Variants in HSPG2 observed in about 807,000 individuals in gnomAD.
The protein encoded by HSPG2 is heparan sulfate proteoglycan 2, also known as basement membrane-specific heparan sulfate proteoglycan core protein.
A neutral mutation model predicts 526.6 loss-of-function variants in HSPG2; 278 were observed. The ratio of observed to expected loss-of-function variants is 0.53; its 90% confidence interval spans 0.48 to 0.58. The LOEUF is 0.58. HSPG2 is among the 20% of genes least tolerant of loss of function. HSPG2 has a pLI of 0.00. For missense variants in HSPG2, 5,354 were observed against 6,099.5 expected, an observed-to-expected ratio of 0.88 and a Z score of 4.07; for synonymous variants, 2,465 against 2,555.4, an observed-to-expected ratio of 0.96 and a Z score of 1.07.
chr1:21,825,457 G>A (rs891713029), intron 91 of HSPG2, among the ~76,000 whole-genome samples: 13 of 152,160 alleles, frequency 8.5e-5, no homozygotes, highest in Middle Eastern at 3.2e-3. Context: ...CAGAGCCTTG[G>A]TGTTCTCTCC....
intron 1 of HSPG2, among the ~76,000 whole-genome samples, chr1:21,922,787 G>A (rs1047529181): frequency 3.3e-5 from 5 of 152,128 alleles, no homozygotes; most frequent in Non-Finnish European, 7.4e-5. Flanking sequence ...ACCAGAGGTG[G>A]GGCCCAGGCC....
Position 21,850,626 on chromosome 1 carries a change from A to G in HSPG2, c.7159-128T>C, listed in dbSNP as rs61777200. ...CTGGATCAGTTTCCCTGTCCTTCACATGGGGAAGGGGGACTCTTGTCCAGC... is the reference window on the plus strand; with the variant it reads ...CTGGATCAGTTTCCCTGTCCTTCACGTGGGGAAGGGGGACTCTTGTCCAGC... On this transcript the variant is annotated intron_variant, in intron 55 of 96. Coordinates refer to ENST00000374695, the MANE Select transcript of HSPG2 (RefSeq NM_005529.7). The G allele has an allele frequency of 0.45, 501,737 of 1,124,872 alleles. 117,364 individuals are homozygous for G. Among genetic ancestry groups the G allele is most frequent in the Middle Eastern group, 0.5 (1,702 of 3,400 alleles). The allele number at this position is 1,124,872 out of a possible 1,614,324, so 69.7% of individuals were successfully genotyped here.
At position 21,896,094 on chromosome 1, in the gene HSPG2, A is replaced by G. The variant is rs557003421; in HGVS notation, c.199+81T>C. On this transcript the variant is annotated intron_variant, in intron 2 of 96. Coordinates refer to ENST00000374695, the MANE Select transcript of HSPG2 (RefSeq NM_005529.7). ...TTGAGAAAGCTCGGAATGGTCGGTC[A>G]CCCTCCTCCCCCATGCCAGTGGGAA... The G allele has an allele frequency of 1.6e-5, 25 of 1,605,116 alleles. 1 individual carries two copies. The highest frequency in any genetic ancestry group is 1.3e-4 in the South Asian group (12 of 90,832).
At chr1:21,924,843 T>C (rs569866951) in intron 1 of HSPG2, among the ~76,000 whole-genome samples, 1 of 152,334 alleles carries the variant, frequency 6.6e-6, no homozygotes, top group East Asian at 1.9e-4. Context: ...CCTGCCACAA[T>C]GCTTTCCTCC....
intron 52 of HSPG2, 65 bp downstream of exon 52, chr1:21,852,635 G>T: frequency 6.2e-7 from 1 of 1,606,318 alleles, no homozygotes. Flanking sequence ...GGGGTCCCTT[G>T]GATCTCACCA....
At chr1:21,922,447 T>C (rs988044507) in intron 1 of HSPG2, among the ~76,000 whole-genome samples, 1 of 152,242 alleles carries the variant, frequency 6.6e-6, no homozygotes, top group Non-Finnish European at 1.5e-5. Context: ...AGGGTCCTCC[T>C]GGTCTTTCTA....
chr1:21,871,570 G>C (rs1640655064), intron 33 of HSPG2, among the ~76,000 whole-genome samples: 1 of 152,164 alleles, frequency 6.6e-6, no homozygotes, highest in South Asian at 2.1e-4. Flanking sequence ...CAGAGCATTT[G>C]AAGGGCAGCC....
At position 21,844,202 on chromosome 1, in the gene HSPG2, G is replaced by A; in HGVS notation, c.8562C>T (p.Ala2854=). The A allele has an allele frequency of 2.5e-6, 4 of 1,613,782 alleles. No homozygotes were observed. The highest frequency in any genetic ancestry group is 3.4e-6 in the Non-Finnish European group (4 of 1,180,030). Residue 2854 remains alanine, a synonymous_variant, in exon 65 of 97, where the codon GCC becomes GCT. Transcript: ENST00000374695. ...LDLKCVVPGQ[A]HAQVTWHKRG... Reference sequence around the variant, plus strand: ...GCTTGTGCCACGTGACCTGGGCGTGGGCCTGCCCGGGCACCACGCACTTCA... The same window carrying A: ...GCTTGTGCCACGTGACCTGGGCGTGAGCCTGCCCGGGCACCACGCACTTCA...
chr1:21,872,451 T>C lies in HSPG2; in HGVS notation c.4030-74A>G. 20 of 1,442,862 alleles carry C rather than the reference T, an allele frequency of 1.4e-5. No individual in the cohort carries two copies. The highest frequency in any genetic ancestry group is 1.9e-5 in the Non-Finnish European group (20 of 1,055,036). The allele number at this position is 1,442,862 out of a possible 1,614,324, so 89.4% of individuals were successfully genotyped here. A position where few individuals can be genotyped will look rare whatever the true frequency, so the allele number is the denominator to read the frequency against. ...TGGTGGGGGATGGGGCACGGGAGGG[T>C]GTTAAGGTGCGGAATGGGGTCCTGT... is the stretch of plus-strand genomic sequence containing the variant. On this transcript the variant is annotated intron_variant, in intron 32 of 96. Transcript: ENST00000374695. This position sits in a 1 kb window ranked among gnomAD's most constrained non-coding sequence, Gnocchi z 5.5.
In HSPG2 at chr1:21,834,815, G is replaced by A. The variant is rs747325143; in HGVS notation, c.10584C>T (p.His3528=). 4.3e-6 allele frequency: 7 copies of A among 1,614,126 alleles called. No individual in the cohort carries two copies. Among genetic ancestry groups the A allele is most frequent in the African/African-American group, 1.3e-5 (1 of 74,946 alleles). The change falls in exon 77 of 97, where the codon CAC becomes CAT. Residue 3528 remains histidine (H), a synonymous_variant. Transcript: ENST00000374695. ...PQVTWSKVGG[H]LRPGIVQSGG... Reference sequence around the variant, plus strand: ...CGCTCTGCACAATGCCTGGCCGCAGGTGCCCTCCAACTTTGCTCCATGTCA... The same window carrying A: ...CGCTCTGCACAATGCCTGGCCGCAGATGCCCTCCAACTTTGCTCCATGTCA...
Position 21,854,278 on chromosome 1 carries a change from A to G in HSPG2, c.6354T>C (p.Arg2118=). Residue 2118 remains arginine (R), a synonymous_variant, in exon 50 of 97, where the codon CGT becomes CGC. Transcript: ENST00000374695. ...SPADSGEYVC[R]VENGSGPKEA... is the part of the protein sequence containing the mutation. The stretch of plus-strand genomic sequence containing the variant: ...CCTTGGGGCCCGATCCATTCTCCAC[A>G]CGGCACACATATTCTCCAGAATCAG... 6.3e-7 allele frequency: 1 copy of G among 1,578,670 alleles called. No individual in the cohort carries two copies. Among genetic ancestry groups the G allele is most frequent in the Non-Finnish European group, 8.6e-7 (1 of 1,161,748 alleles).
At chr1:21,927,014 G>C (rs926634546) in intron 1 of HSPG2, among the ~76,000 whole-genome samples, 1 of 152,164 alleles carries the variant, frequency 6.6e-6, no homozygotes, top group Non-Finnish European at 1.5e-5. Context: ...TCCTGGGAGA[G>C]AGCCATGGGC....
At chr1:21,937,013 G>T in intron 1 of HSPG2, 142 bp downstream of exon 1, 1 of 187,060 alleles carries the variant, frequency 5.3e-6, no homozygotes, top group Non-Finnish European at 1.0e-5. Flanking sequence ...CGGGGTCCCC[G>T]GCGGGCGCCG....
rs2152759587 is a variant in HSPG2 at position 21,884,800 on chromosome 1, G to A, written c.1474C>T (p.Pro492Ser). 6.2e-7 allele frequency: 1 copy of A among 1,613,750 alleles called. No homozygotes were observed. The highest frequency in any genetic ancestry group is 2.2e-5 in the East Asian group (1 of 44,876). Residue 492 changes from proline to serine, a missense_variant, in exon 12 of 97, where the codon CCT becomes TCT. Transcript: ENST00000374695. Reference sequence around the variant, plus strand: ...GGGACGAGCTCAAGGACACCGTCAGGAATGCCAAACACCATGCCCCGGGCG... The same window carrying A: ...GGGACGAGCTCAAGGACACCGTCAGAAATGCCAAACACCATGCCCCGGGCG... ...MNARGMVFGI[P>S]DGVLELVPQR...
Position 21,839,516 on chromosome 1 carries a change from C to T in HSPG2, c.9744G>A (p.Leu3248=), listed in dbSNP as rs2098040211. Residue 3248 remains leucine (L), a synonymous_variant, in exon 73 of 97, where the codon CTG becomes CTA. Coordinates refer to ENST00000374695, the MANE Select transcript of HSPG2 (RefSeq NM_005529.7). The surrounding 1 kb of genome is among the most constrained non-coding windows in gnomAD (Gnocchi z 4.5). ...GGTGCTGCCAGGGCAGTGGGGAACG[C>T]AGCTTGGACCAGTGGATGGTGGGCG... ...SPAPTIHWSK[L]RSPLPWQHRL... 1.2e-6 allele frequency: 2 copies of T among 1,614,066 alleles called. No individual in the cohort carries two copies. Among genetic ancestry groups the T allele is most frequent in the Non-Finnish European group, 1.7e-6 (2 of 1,180,004 alleles).
intron 71 of HSPG2, 73 bp from the exon 72 acceptor site, chr1:21,840,090 G>C (rs2098042558): frequency 2.3e-6 from 3 of 1,278,140 alleles, no homozygotes; most frequent in Middle Eastern, 2.1e-4. Context: ...GCTCTGGCTT[G>C]GTCTTCCCTA....
Position 21,880,787 on chromosome 1 carries a change from C to A in HSPG2, c.1867G>T (p.Ala623Ser). The part of the protein sequence containing the change: ...SLRYNVRYEL[A>S]RGMLEPVQRP... ...TGCACTGGCTCCAGCATGCCACGGG[C>A]CAACTCGTAGCGCACGTTGTAACGC... Residue 623 changes from alanine to serine, a missense_variant, in exon 15 of 97, where the codon GCC becomes TCC. Transcript: ENST00000374695. 6.3e-7 allele frequency: 1 copy of A among 1,598,880 alleles called. No individual in the cohort carries two copies. The highest frequency in any genetic ancestry group is 1.7e-5 in the Admixed American group (1 of 57,994).
At chr1:21,878,765 G>C (rs892410471) in intron 18 of HSPG2, 102 bp from the exon 19 acceptor site, 5 of 1,262,792 alleles carry the variant, frequency 4.0e-6, no homozygotes, top group South Asian at 1.2e-5. Flanking sequence ...AGTGTGCCAC[G>C]AGGCATGACG....
At position 21,822,822 on chromosome 1, in the gene HSPG2, G is replaced by A. The variant is rs571731203; in HGVS notation, c.*494C>T. On this transcript the variant is annotated 3_prime_UTR_variant, in exon 97 of 97. Coordinates refer to ENST00000374695, the MANE Select transcript of HSPG2 (RefSeq NM_005529.7). Reference sequence around the variant, plus strand: ...GGATGGGGACCGCCTGCCCAGGGGTGAGCTGCCTTTTGCTCCACAGCCGGC... The same window carrying A: ...GGATGGGGACCGCCTGCCCAGGGGTAAGCTGCCTTTTGCTCCACAGCCGGC... 1 of 162,010 alleles carries A rather than the reference G, an allele frequency of 6.2e-6. No homozygotes were observed. Among genetic ancestry groups the A allele is most frequent in the Non-Finnish European group, 1.4e-5 (1 of 73,736 alleles). The allele number at this position is 162,010 out of a possible 1,614,324, so 10.0% of individuals were successfully genotyped here.
Sources: gnomAD v4.1 joint callset for allele counts (sites outside exome capture counted in the v4.1 genomes callset) on GRCh38, gnomAD v4.1.1 for gene constraint, Gnocchi (gnomAD v3.1) non-coding constraint, MANE v1.5 for transcripts, NCBI Gene and HGNC (gene_info 2026-07-23, HGNC 2026-07-21) for gene names.